Variants in CSNK1G1 observed in about 807,000 individuals in gnomAD.
CSNK1G1 encodes casein kinase I isoform gamma-1.
A neutral mutation model predicts 59.6 loss-of-function variants in CSNK1G1; 22 were observed. The ratio of observed to expected loss-of-function variants is 0.37; its 90% CI spans 0.26 to 0.53. CSNK1G1 has a LOEUF of 0.53. CSNK1G1 is among the 20% of genes least tolerant of loss of function. The pLI is 0.89. For missense variants in CSNK1G1, 384 were observed against 519.5 expected, an observed-to-expected ratio of 0.74 and a Z score of 2.54; for synonymous variants, 179 against 177.1, an observed-to-expected ratio of 1.01 and a Z score of -0.08.
intron 11 of CSNK1G1, among the ~76,000 whole-genome samples, chr15:64,173,382 C>T (rs1045945965): frequency 6.6e-6 from 1 of 152,094 alleles, no homozygotes; most frequent in Non-Finnish European, 1.5e-5. Context: ...AGAAATAGGA[C>T]TTTCTTAAGA....
intron 1 of CSNK1G1, chr15:64,335,974 A>G (rs1897366771): frequency 6.6e-6 from 1 of 152,186 alleles, no homozygotes; most frequent in Non-Finnish European, 1.5e-5. Context: ...ACTAGGCCTA[A>G]CACATAGTAT....
chr15:64,207,335 T>A (rs1022417122), intron 7 of CSNK1G1, among the ~76,000 whole-genome samples, 174 bp downstream of exon 7: 6 of 152,212 alleles, frequency 3.9e-5, no homozygotes, highest in African/African-American at 1.4e-4. Flanking sequence ...GATCTCAAAC[T>A]CCTGGACTCA....
intron 2 of CSNK1G1, among the ~76,000 whole-genome samples, chr15:64,270,309 T>C (rs1327803101): frequency 6.6e-6 from 1 of 152,196 alleles, no homozygotes; most frequent in Non-Finnish European, 1.5e-5. Flanking sequence ...CTTTGGTTCA[T>C]CTCTGATTTT....
intron 1 of CSNK1G1, among the ~76,000 whole-genome samples, chr15:64,340,892 G>A (rs992477589): frequency 5.9e-5 from 9 of 152,136 alleles, no homozygotes; most frequent in African/African-American, 1.7e-4. Context: ...TGGGTAGTTG[G>A]TACTGCAGTG....
intron 10 of CSNK1G1, among the ~76,000 whole-genome samples, chr15:64,192,943 TTATC>T (rs1037906560): frequency 4.6e-5 from 7 of 151,618 alleles, no homozygotes; most frequent in African/African-American, 1.2e-4. Flanking sequence ...ACAAACAACT[TTATC>T]TACTTCACTT....
intron 7 of CSNK1G1, among the ~76,000 whole-genome samples, chr15:64,206,568 C>G (rs1423338835): frequency 3.0e-5 from 3 of 100,868 alleles, no homozygotes; most frequent in Admixed American, 3.3e-4. Context: ...GCCTGGGAAA[C>G]AGAGTGAAAC....
At chr15:64,295,009 A>C (rs1894943905) in intron 2 of CSNK1G1, among the ~76,000 whole-genome samples, 1 of 151,284 alleles carries the variant, frequency 6.6e-6, no homozygotes, top group Non-Finnish European at 1.5e-5. Flanking sequence ...AGGTGGGTAG[A>C]TCACAAGGTC....
chr15:64,290,539 T>C (rs890945515), intron 2 of CSNK1G1, among the ~76,000 whole-genome samples: 4 of 152,058 alleles, frequency 2.6e-5, no homozygotes, highest in Admixed American at 1.3e-4. Context: ...TGTGTACACA[T>C]GGACACAGAG....
At chr15:64,226,719 A>G (rs2082467969) in intron 4 of CSNK1G1, among the ~76,000 whole-genome samples, 1 of 152,164 alleles carries the variant, frequency 6.6e-6, no homozygotes, top group African/African-American at 2.4e-5. Context: ...AGTTCCTGTG[A>G]TTTAAGATAA....
intron 1 of CSNK1G1, among the ~76,000 whole-genome samples, chr15:64,318,733 C>T (rs916680259): frequency 2.6e-5 from 4 of 151,906 alleles, no homozygotes; most frequent in African/African-American, 9.7e-5. Context: ...GCCTCAGCCT[C>T]CCAAGTAGCT....
At chr15:64,310,375 T>A (rs1895925524) in intron 1 of CSNK1G1, among the ~76,000 whole-genome samples, 1 of 151,856 alleles carries the variant, frequency 6.6e-6, no homozygotes, top group Admixed American at 6.6e-5. Flanking sequence ...TGAAATGTAC[T>A]GTATCTTGTA....
intron 2 of CSNK1G1, among the ~76,000 whole-genome samples, chr15:64,299,023 G>C (rs569848666): frequency 1.3e-5 from 2 of 152,192 alleles, no homozygotes; most frequent in South Asian, 4.1e-4. Flanking sequence ...CTGGGTGACA[G>C]AGCAACACTC....
At position 64,300,685 on chromosome 15, in the gene CSNK1G1, T is replaced by A. The variant is rs572693234; in HGVS notation, c.-186A>T. On this transcript the variant is annotated 5_prime_UTR_variant, in exon 2 of 12. Coordinates refer to ENST00000303052, the MANE Select transcript of CSNK1G1 (RefSeq NM_022048.5). ...CATTTATTTGTTCCCGTAGGAAATG[T>A]AGTCACTAGGTCTCAATCTTAGGTG... is the stretch of plus-strand genomic sequence containing the variant. 3.1e-6 allele frequency: 4 copies of A among 1,277,184 alleles called. No homozygotes were observed. In the Admixed American group the frequency reaches 1.5e-4, roughly 48 times the overall value. 79.1% of individuals were successfully genotyped at this position (1,277,184 alleles called of 1,614,324 possible). A position where few individuals can be genotyped will look rare whatever the true frequency, so the allele number is the denominator to read the frequency against.
rs2081924789 is a variant in CSNK1G1, at chr15:64,188,313, A to C, written c.1108-7859T>G. ...CTAAGGCTGCCGAAGGTTCAGAAGC[A>C]AGCCAACATTCCACCAGCCAAGCTG... On this transcript the variant is annotated intron_variant, in intron 10 of 11. Coordinates refer to ENST00000303052, the MANE Select transcript of CSNK1G1 (RefSeq NM_022048.5). This position sits in a 1 kb window ranked among gnomAD's most constrained non-coding sequence, Gnocchi z 4.2. 2 of 1,269,864 alleles carry C rather than the reference A, an allele frequency of 1.6e-6. No individual in the cohort carries two copies. The highest frequency in any genetic ancestry group is 2.2e-6 in the Non-Finnish European group (2 of 914,590). 78.7% of individuals were successfully genotyped at this position (1,269,864 alleles called of 1,614,324 possible).
intron 2 of CSNK1G1, among the ~76,000 whole-genome samples, chr15:64,279,997 CAAAT>C (rs1291058472): frequency 6.7e-6 from 1 of 148,456 alleles, no homozygotes; most frequent in Non-Finnish European, 1.5e-5. Flanking sequence ...AAAACAGAAA[CAAAT>C]AAAATATCCA....
intron 4 of CSNK1G1, among the ~76,000 whole-genome samples, chr15:64,250,910 G>C (rs1266761138): frequency 3.3e-5 from 5 of 152,162 alleles, no homozygotes; most frequent in African/African-American, 1.2e-4. Context: ...TGTCCCTACA[G>C]GTAAACATTA....
At chr15:64,290,729 ATAATT>A (rs1023223538) in intron 2 of CSNK1G1, among the ~76,000 whole-genome samples, 6 of 152,234 alleles carry the variant, frequency 3.9e-5, no homozygotes, top group Admixed American at 6.5e-5. Flanking sequence ...ATCTAAAGTT[ATAATT>A]TAATTTAATT....
At chr15:64,201,069 C>G (rs770996002) in intron 10 of CSNK1G1, among the ~76,000 whole-genome samples, 4 of 151,900 alleles carry the variant, frequency 2.6e-5, no homozygotes, top group African/African-American at 9.7e-5. Context: ...GTCAGGAGTT[C>G]GAGACCAGCC....
chr15:64,284,283 T>C (rs1191893742), intron 2 of CSNK1G1, among the ~76,000 whole-genome samples: 2 of 152,200 alleles, frequency 1.3e-5, no homozygotes, highest in African/African-American at 4.8e-5. Flanking sequence ...TTTTTCAAGA[T>C]TGTTTTGGCT....
Sources: gnomAD v4.1 joint callset for allele counts (sites outside exome capture counted in the v4.1 genomes callset) on GRCh38, gnomAD v4.1.1 for gene constraint, Gnocchi (gnomAD v3.1) non-coding constraint, MANE v1.5 for transcripts, NCBI Gene and HGNC (gene_info 2026-07-23, HGNC 2026-07-21) for gene names.